The following DMD variants were observed in gnomAD, a reference collection of about 807,000 sequenced individuals.
DMD encodes the protein mutant dystrophin.
A neutral mutation model predicts 330.1 loss-of-function variants in DMD; 63 were observed. The ratio of observed to expected loss-of-function variants is 0.19; its 90% CI spans 0.16 to 0.24. The LOEUF (loss-of-function observed/expected upper bound fraction) is 0.24. Ranked by LOEUF, DMD falls within the 10% of genes least tolerant of loss-of-function variation. DMD has a pLI of 1.00. For missense variants in DMD, 3,344 were observed against 2,684.1 expected, an observed-to-expected ratio of 1.25 and a Z score of -5.43; for synonymous variants, 1,223 against 959.8, an observed-to-expected ratio of 1.27 and a Z score of -5.07.
intron 13 of DMD, among the ~76,000 whole-genome samples, chrX:32,582,565 G>C (rs2053762736): frequency 8.9e-6 from 1 of 111,869 alleles, no homozygotes. Flanking sequence ...CCAGAGAATA[G>C]ATGAAATCCA....
At chrX:33,108,123 A>ACGT (rs761987295) in intron 1 of DMD, among the ~76,000 whole-genome samples, 13 of 109,873 alleles carry the variant, frequency 1.2e-4, no homozygotes, top group Non-Finnish European at 2.5e-4. Context: ...TTTTTGAAAT[A>ACGT]CGTAGAACAA....
At chrX:32,856,165 C>CTGA (rs1440992778) in intron 2 of DMD, among the ~76,000 whole-genome samples, 1 of 111,933 alleles carries the variant, frequency 8.9e-6, no homozygotes, top group Non-Finnish European at 1.9e-5. Context: ...AACATCAATG[C>CTGA]TGATGCGGCT....
chrX:31,669,829 T>C (rs1367850574), intron 53 of DMD, among the ~76,000 whole-genome samples: 1 of 103,190 alleles, frequency 9.7e-6, no homozygotes, highest in African/African-American at 3.7e-5. Context: ...TAGGATCCAC[T>C]TGTCAATTTC....
At chrX:32,204,271 A>C (rs1462837341) in intron 44 of DMD, among the ~76,000 whole-genome samples, 1 of 112,021 alleles carries the variant, frequency 8.9e-6, no homozygotes, top group Admixed American at 9.5e-5. Context: ...AAACTTTCCG[A>C]AATTTTTGTC....
At chrX:31,944,504 A>C (rs2095056966) in intron 45 of DMD, among the ~76,000 whole-genome samples, 1 of 101,441 alleles carries the variant, frequency 9.9e-6, no homozygotes, top group East Asian at 3.1e-4. Flanking sequence ...TTTGAGACGG[A>C]GTCTCACTCT....
At chrX:31,693,291 A>G (rs1027701596) in intron 52 of DMD, among the ~76,000 whole-genome samples, 2 of 111,854 alleles carry the variant, frequency 1.8e-5, no homozygotes, top group African/African-American at 6.5e-5. Flanking sequence ...AATAAAAGCC[A>G]TAAATTACAA....
intron 44 of DMD, among the ~76,000 whole-genome samples, chrX:32,182,490 A>G (rs1399974084): frequency 9.0e-6 from 1 of 111,435 alleles, no homozygotes; most frequent in Admixed American, 9.6e-5. Flanking sequence ...ATGTGAGAAG[A>G]TTCCTATGGT....
chrX:32,975,513 G>C (rs775860924), intron 2 of DMD, among the ~76,000 whole-genome samples: 3 of 109,168 alleles, frequency 2.7e-5, no homozygotes, highest in African/African-American at 1.0e-4. Flanking sequence ...ACAAAATCGT[G>C]ATTTTGTTTA....
intron 20 of DMD, among the ~76,000 whole-genome samples, chrX:32,490,925 C>CT (rs1383960890): frequency 1.8e-5 from 2 of 112,045 alleles, no homozygotes; most frequent in African/African-American, 6.5e-5. Context: ...ATGGATTCCA[C>CT]TTTTTCAAAA....
intron 54 of DMD, among the ~76,000 whole-genome samples, chrX:31,657,358 A>C (rs192811591): frequency 8.9e-6 from 1 of 112,441 alleles, no homozygotes; most frequent in East Asian, 2.8e-4. Flanking sequence ...ACAAATATTT[A>C]ACAATTAGTT....
At chrX:32,956,976 T>C (rs73188347) in intron 2 of DMD, among the ~76,000 whole-genome samples, 6,757 of 111,772 alleles carry the variant, frequency 0.06, 295 homozygotes, top group South Asian at 0.17. Flanking sequence ...AAGAATATGC[T>C]TCATTGCATT....
intron 55 of DMD, among the ~76,000 whole-genome samples, chrX:31,557,803 TA>T (rs1277186951): frequency 9.0e-6 from 1 of 110,666 alleles, no homozygotes; most frequent in Non-Finnish European, 1.9e-5. Context: ...AGATTTGAGT[TA>T]CATATGTACA....
chrX:32,336,042 G>A (rs1473633597), intron 41 of DMD, among the ~76,000 whole-genome samples: 3 of 101,201 alleles, frequency 3.0e-5, no homozygotes, highest in Admixed American at 2.1e-4. Flanking sequence ...TATATATAAC[G>A]TGTATATATA....
At chrX:32,894,332 C>T (rs1436991396) in intron 2 of DMD, among the ~76,000 whole-genome samples, 1 of 111,569 alleles carries the variant, frequency 9.0e-6, no homozygotes, top group African/African-American at 3.3e-5. Context: ...TAGAGGTTTA[C>T]ATACAGGGGA....
chrX:31,282,127 A>C (rs958851641), intron 62 of DMD, among the ~76,000 whole-genome samples: 1 of 112,133 alleles, frequency 8.9e-6, no homozygotes, highest in Non-Finnish European at 1.9e-5. Flanking sequence ...AGCAAAAATA[A>C]AACTACAGTG....
chrX:31,333,339 G>A (rs1359734931), intron 61 of DMD, among the ~76,000 whole-genome samples: 5 of 100,120 alleles, frequency 5.0e-5, no homozygotes, highest in Non-Finnish European at 1.0e-4. Context: ...GGTGATTCAT[G>A]TTAATGGAAT....
At chrX:33,189,299 T>TG (rs1460509614) in intron 1 of DMD, among the ~76,000 whole-genome samples, 2 of 111,363 alleles carry the variant, frequency 1.8e-5, no homozygotes, top group African/African-American at 6.5e-5. Context: ...TCTCTAGGTA[T>TG]GGGGGAGAGG....
At chrX:32,819,695 T>TA (rs1318710013) in intron 5 of DMD, among the ~76,000 whole-genome samples, 2 of 110,458 alleles carry the variant, frequency 1.8e-5, no homozygotes, top group Non-Finnish European at 3.8e-5. Context: ...TATGTTGCAT[T>TA]AGAAAAAGGG....
intron 2 of DMD, among the ~76,000 whole-genome samples, chrX:32,873,625 TCA>T (rs1306248537): frequency 2.7e-5 from 3 of 111,723 alleles, no homozygotes; most frequent in Non-Finnish European, 3.8e-5. Flanking sequence ...CTCTCAGCAC[TCA>T]CAGTCCCCTA....
Sources: gnomAD v4.1 joint callset for allele counts (sites outside exome capture counted in the v4.1 genomes callset) on GRCh38, gnomAD v4.1.1 for gene constraint, MANE v1.5 for transcripts, NCBI Gene and HGNC (gene_info 2026-07-23, HGNC 2026-07-21) for gene names.